Variants in SUGCT observed in about 807,000 individuals in gnomAD.
The protein encoded by SUGCT is succinyl-CoA:glutarate-CoA transferase.
In SUGCT, 41 loss-of-function variants were observed where a neutral mutation model predicts 55.0. That is an observed-to-expected ratio of 0.74 (90% CI 0.58 to 0.97). The LOEUF (loss-of-function observed/expected upper bound fraction) is 0.97. SUGCT is among the 50% of genes least tolerant of loss of function. The pLI is 0.00. For synonymous variants in SUGCT, 187 were observed against 200.4 expected (o/e 0.93, Z 0.56); for missense variants, 568 against 547.8 (o/e 1.04, Z -0.37).
intron 13 of SUGCT, among the ~76,000 whole-genome samples, chr7:40,765,901 CCCTCT>C (rs1347326724): frequency 1.6e-4 from 24 of 152,172 alleles, no homozygotes; most frequent in African/African-American, 5.6e-4. Flanking sequence ...TCAAGCATCA[CCCTCT>C]AAGTTTTCAG....
chr7:40,986,046 G>A, the SUGCT span, among the ~76,000 whole-genome samples: 1 of 152,082 alleles, frequency 6.6e-6, no homozygotes, highest in Non-Finnish European at 1.5e-5. Flanking sequence ...TATATACTTT[G>A]ACTTTTTGAG....
At chr7:40,907,438 T>C in the SUGCT span, among the ~76,000 whole-genome samples, 12 of 152,210 alleles carry the variant, frequency 7.9e-5, no homozygotes. Flanking sequence ...ACTCGTTTAA[T>C]ATAGCCAACA....
At chr7:40,392,067 A>T (rs1170328437) in intron 9 of SUGCT, among the ~76,000 whole-genome samples, 1 of 152,218 alleles carries the variant, frequency 6.6e-6, no homozygotes, top group Non-Finnish European at 1.5e-5. Flanking sequence ...TATCACTCAT[A>T]GGTGGGAATT....
intron 12 of SUGCT, among the ~76,000 whole-genome samples, chr7:40,745,806 C>T (rs112445706): frequency 6.6e-6 from 1 of 152,182 alleles, no homozygotes; most frequent in Non-Finnish European, 1.5e-5. Context: ...TGAAATAACT[C>T]AATATGCAAC....
chr7:40,699,247 G>T (rs1785069951), intron 12 of SUGCT, among the ~76,000 whole-genome samples: 1 of 152,196 alleles, frequency 6.6e-6, no homozygotes, highest in Admixed American at 6.5e-5. Flanking sequence ...GAGGTTTCTA[G>T]CCTTTGGGGA....
At chr7:40,727,982 T>C (rs1013329144) in intron 12 of SUGCT, among the ~76,000 whole-genome samples, 1 of 152,174 alleles carries the variant, frequency 6.6e-6, no homozygotes, top group Non-Finnish European at 1.5e-5. Flanking sequence ...TTTAGACAGG[T>C]TCTTACCAAT....
rs1484056886 is a variant in SUGCT at position 40,746,275 on chromosome 7, A to G, written c.1090-3159A>G. Among the ~76,000 whole-genome samples, 3 of 152,192 alleles carry G rather than the reference A, an allele frequency of 2.0e-5. No individual in the cohort carries two copies. In the South Asian group the frequency reaches 6.2e-4, roughly 31 times the overall value. On this transcript the variant is annotated intron_variant, in intron 12 of 13. Coordinates refer to ENST00000335693, the MANE Select transcript of SUGCT (RefSeq NM_001193313.2). ...CACAAACAAGGCTGGAGAGTTTTCC[A>G]AGATTCCAAGTCATTAGGCAGGGTT...
chr7:40,625,502 C>G (rs987807799), intron 12 of SUGCT, among the ~76,000 whole-genome samples: 2 of 152,080 alleles, frequency 1.3e-5, no homozygotes, highest in African/African-American at 2.4e-5. Flanking sequence ...CCTTCTCCTC[C>G]TCTTTCTTTT....
chr7:40,725,894 G>A (rs1199507302), intron 12 of SUGCT, among the ~76,000 whole-genome samples: 1 of 151,988 alleles, frequency 6.6e-6, no homozygotes, highest in Non-Finnish European at 1.5e-5. Flanking sequence ...ACCAGAAAGA[G>A]TAAGTGAGTA....
At chr7:40,682,518 GTAGA>G (rs1326624583) in intron 12 of SUGCT, among the ~76,000 whole-genome samples, 2 of 152,180 alleles carry the variant, frequency 1.3e-5, no homozygotes, top group African/African-American at 4.8e-5. Flanking sequence ...CTGTCTCCAG[GTAGA>G]TAATGTCAGC....
intron 12 of SUGCT, among the ~76,000 whole-genome samples, chr7:40,622,528 G>GTTTTTTTTTTTTTT (rs370877783): frequency 1.2e-5 from 1 of 81,852 alleles, no homozygotes; most frequent in Non-Finnish European, 2.3e-5. Flanking sequence ...TGTTGTGGTT[G>GTTTTTTTTTTTTTT]TTTTTTTTTT....
At chr7:40,400,855 A>T (rs1786024937) in intron 9 of SUGCT, among the ~76,000 whole-genome samples, 1 of 152,152 alleles carries the variant, frequency 6.6e-6, no homozygotes, top group Non-Finnish European at 1.5e-5. Context: ...ATGAGCCTGT[A>T]CCCTAAAGGA....
chr7:40,262,505 A>AG (rs1562624252), intron 7 of SUGCT, among the ~76,000 whole-genome samples: 1 of 151,440 alleles, frequency 6.6e-6, no homozygotes, highest in African/African-American at 2.4e-5. Context: ...CAAAAAAAAA[A>AG]AAAAAAAAAA....
chr7:40,626,529 G>A (rs1402572692), intron 12 of SUGCT, among the ~76,000 whole-genome samples: 1 of 152,034 alleles, frequency 6.6e-6, no homozygotes, highest in African/African-American at 2.4e-5. Flanking sequence ...TGGGATTATA[G>A]GCATGAGCCA....
At chr7:40,882,552 A>G in the SUGCT span, among the ~76,000 whole-genome samples, 1 of 152,200 alleles carries the variant, frequency 6.6e-6, no homozygotes, top group Non-Finnish European at 1.5e-5. Context: ...GACTATAGAT[A>G]TGCTTCCTGT....
intron 13 of SUGCT, among the ~76,000 whole-genome samples, chr7:40,770,308 C>T (rs1789026611): frequency 6.6e-6 from 1 of 152,112 alleles, no homozygotes; most frequent in Admixed American, 6.5e-5. Flanking sequence ...ATCCTCTCTC[C>T]CATGATAGTC....
At chr7:40,576,142 C>T (rs927574742) in intron 12 of SUGCT, among the ~76,000 whole-genome samples, 4 of 152,008 alleles carry the variant, frequency 2.6e-5, no homozygotes, top group African/African-American at 4.8e-5. Flanking sequence ...AAAAATAAGA[C>T]GCATGAAACT....
At chr7:40,389,019 G>C (rs1449687083) in intron 9 of SUGCT, among the ~76,000 whole-genome samples, 1 of 152,132 alleles carries the variant, frequency 6.6e-6, no homozygotes, top group Non-Finnish European at 1.5e-5. Flanking sequence ...AAATATGCTT[G>C]TTATTGTTTT....
intron 12 of SUGCT, among the ~76,000 whole-genome samples, chr7:40,737,079 A>T (rs1177142449): frequency 6.6e-6 from 1 of 152,170 alleles, no homozygotes; most frequent in Non-Finnish European, 1.5e-5. Flanking sequence ...CTATGTACTG[A>T]GGCACTCATG....
Sources: gnomAD v4.1 joint callset for allele counts (sites outside exome capture counted in the v4.1 genomes callset) on GRCh38, gnomAD v4.1.1 for gene constraint, MANE v1.5 for transcripts, NCBI Gene and HGNC (gene_info 2026-07-23, HGNC 2026-07-21) for gene names.